Variants in USP6NL observed in about 807,000 individuals in gnomAD.
USP6NL encodes the protein USP6 N-terminal-like protein.
A neutral mutation model predicts 61.9 loss-of-function variants in USP6NL; 26 were observed. That is an observed-to-expected ratio of 0.42 (90% confidence interval 0.31 to 0.58). USP6NL has a LOEUF of 0.58. Ranked by LOEUF, USP6NL falls within the 20% of genes least tolerant of loss-of-function variation. The probability of loss-of-function intolerance (pLI) is 0.16; values close to 1 mark genes in which losing one functional copy is unlikely to be tolerated. For missense variants in USP6NL, 1,114 were observed against 1,034.3 expected (o/e 1.08, Z -1.06); for synonymous variants, 432 against 390.1 (o/e 1.11, Z -1.27).
At chr10:11,551,343 G>A (rs1836480738) in intron 2 of USP6NL, among the ~76,000 whole-genome samples, 1 of 152,206 alleles carries the variant, frequency 6.6e-6, no homozygotes, top group African/African-American at 2.4e-5. Flanking sequence ...AAACACAAAA[G>A]ACCTCATACT....
At position 11,487,189 on chromosome 10, in the gene USP6NL, C is replaced by G. The variant is rs1833506378; in HGVS notation, c.665-1278G>C. On this transcript the variant is annotated intron_variant, in intron 10 of 14. Coordinates refer to ENST00000609104, the MANE Select transcript of USP6NL (RefSeq NM_014688.5). The surrounding 1 kb of genome is among the most constrained non-coding windows in gnomAD (Gnocchi z 4.2). ...TAACTAGCTCAAGAATGCTAAGAAGCCTAACAGTTCTTCATTTTCCACTGA... is the reference window on the plus strand; with the variant it reads ...TAACTAGCTCAAGAATGCTAAGAAGGCTAACAGTTCTTCATTTTCCACTGA... Among the ~76,000 whole-genome samples, 3 of 152,090 alleles carry G rather than the reference C, an allele frequency of 2.0e-5. No homozygotes were observed. The highest frequency in any genetic ancestry group is 6.5e-5 in the Admixed American group (1 of 15,270).
At chr10:11,555,109 G>GTT (rs1187617728) in intron 2 of USP6NL, among the ~76,000 whole-genome samples, 47 of 85,574 alleles carry the variant, frequency 5.5e-4, no homozygotes, top group East Asian at 2.6e-3. Flanking sequence ...TTTTTTTTTG[G>GTT]TTTTTTTTTT....
Position 11,496,923 on chromosome 10 carries a change from C to A in USP6NL, c.385-3695G>T, listed in dbSNP as rs375850806. Among the ~76,000 whole-genome samples the A allele has an allele frequency of 9.9e-5, 15 of 151,916 alleles. No individual in the cohort carries two copies. The highest frequency in any genetic ancestry group is 3.6e-4 in the African/African-American group (15 of 41,328). On this transcript the variant is annotated intron_variant, in intron 7 of 14. Coordinates refer to ENST00000609104, the MANE Select transcript of USP6NL (RefSeq NM_014688.5). This position sits in a 1 kb window ranked among gnomAD's most constrained non-coding sequence, Gnocchi z 5.4. ...CAGCTTTTTAAAACAGGAAGAACAG[C>A]CACAGTATGTTTCAGAATTCTCAAG...
Position 11,462,367 on chromosome 10 carries a change from T to C in USP6NL, c.*74A>G. 6.7e-7 allele frequency: 1 copy of C among 1,497,844 alleles called. No individual in the cohort carries two copies. The highest frequency in any genetic ancestry group is 9.0e-7 in the Non-Finnish European group (1 of 1,115,476). The allele number at this position is 1,497,844 out of a possible 1,614,324, so 92.8% of individuals were successfully genotyped here. ...TTGTTTACAATAGTATAAATACTGCTTTGGCAATTATGAACATAGCAATGT... is the reference window on the plus strand; with the variant it reads ...TTGTTTACAATAGTATAAATACTGCCTTGGCAATTATGAACATAGCAATGT... On this transcript the variant is annotated 3_prime_UTR_variant, in exon 15 of 15. Transcript: ENST00000609104.
At position 11,463,231 on chromosome 10, in the gene USP6NL, T is replaced by G. The variant is rs1027186801; in HGVS notation, c.1697A>C (p.Glu566Ala). 1 of 1,613,392 alleles carries G rather than the reference T, an allele frequency of 6.2e-7. No individual in the cohort carries two copies. The highest frequency in any genetic ancestry group is 8.5e-7 in the Non-Finnish European group (1 of 1,179,882). Reference sequence around the variant, plus strand: ...GGAGTAAGCCCTTTCCAGCGCCTCCTCCACGGAAGCGCCGCTGTCCAGCTC... The same window carrying G: ...GGAGTAAGCCCTTTCCAGCGCCTCCGCCACGGAAGCGCCGCTGTCCAGCTC... ...GPELDSGASVEEALERAYSQS... is the reference protein window; with the variant it reads ...GPELDSGASVAEALERAYSQS... The change falls in exon 15 of 15, where the codon GAG (glutamate) becomes GCG (alanine). Residue 566 changes from glutamate (E) to alanine (A), a missense_variant. Glu to Ala is a moderately radical substitution (Grantham distance 107, BLOSUM62 -1). Transcript: ENST00000609104. The surrounding 1 kb of genome is among the most constrained non-coding windows in gnomAD (Gnocchi z 6.3).
rs1341698698 is a variant in USP6NL at position 11,496,946 on chromosome 10, A to C, written c.385-3718T>G. 6.6e-6 allele frequency among the ~76,000 whole-genome samples: 1 copy of C among 152,148 alleles called. No homozygotes were observed. Among genetic ancestry groups the C allele is most frequent in the Non-Finnish European group, 1.5e-5 (1 of 68,032 alleles). Reference sequence around the variant, plus strand: ...AGCCACAGTATGTTTCAGAATTCTCAAGACAGAGGAAGACATTTAGAGTAT... The same window carrying C: ...AGCCACAGTATGTTTCAGAATTCTCCAGACAGAGGAAGACATTTAGAGTAT... On this transcript the variant is annotated intron_variant, in intron 7 of 14. Coordinates refer to ENST00000609104, the MANE Select transcript of USP6NL (RefSeq NM_014688.5). The surrounding 1 kb of genome is among the most constrained non-coding windows in gnomAD (Gnocchi z 5.4).
rs527813373 is a variant in USP6NL at position 11,553,958 on chromosome 10, T to C, written c.5-26391A>G. ...TGTCTCTCCTGATGTCTAAGAAATC[T>C]AGATATAAGTCATCCAGGTCTGATA... On this transcript the variant is annotated intron_variant, in intron 2 of 14. Transcript: ENST00000609104. The surrounding 1 kb of genome is among the most constrained non-coding windows in gnomAD (Gnocchi z 4.8). 6.6e-6 allele frequency among the ~76,000 whole-genome samples: 1 copy of C among 151,996 alleles called. No individual in the cohort carries two copies. Among genetic ancestry groups the C allele is most frequent in the East Asian group, 1.9e-4 (1 of 5,170 alleles).
chr10:11,601,993 GA>G (rs1027057686), intron 1 of USP6NL, among the ~76,000 whole-genome samples: 185 of 148,256 alleles, frequency 1.2e-3, no homozygotes, highest in African/African-American at 4.3e-3. Context: ...AAAAAAGAAA[GA>G]AAAAAAAAGA....
intron 2 of USP6NL, among the ~76,000 whole-genome samples, chr10:11,554,014 C>T (rs1836591215): frequency 6.6e-6 from 1 of 152,174 alleles, no homozygotes; most frequent in Non-Finnish European, 1.5e-5. Flanking sequence ...AAGATCCAGG[C>T]TCCTTCCATC....
At position 11,591,059 on chromosome 10, in the gene USP6NL, G is replaced by T. The variant is rs989950899; in HGVS notation, c.4+6572C>A. Among the ~76,000 whole-genome samples, 3 of 152,140 alleles carry T rather than the reference G, an allele frequency of 2.0e-5. No individual in the cohort carries two copies. Among genetic ancestry groups the T allele is most frequent in the South Asian group, 2.1e-4 (1 of 4,824 alleles). On this transcript the variant is annotated intron_variant, in intron 2 of 14. Transcript: ENST00000609104. This position sits in a 1 kb window ranked among gnomAD's most constrained non-coding sequence, Gnocchi z 4.7. ...TGATCTATCTAGTGCCTACATTTAC[G>T]AATGAGTAAAGGATGTGTGGGGAGG...
chr10:11,560,714 T>TTATATATATA (rs56221814), intron 2 of USP6NL, among the ~76,000 whole-genome samples: 92 of 141,304 alleles, frequency 6.5e-4, no homozygotes, highest in East Asian at 1.6e-3. Context: ...TATATATATA[T>TTATATATATA]TATATATATA....
In USP6NL at chr10:11,555,471, A is replaced by AAGAG. The variant is rs1190819331; in HGVS notation, c.5-27908_5-27905dup. The stretch of plus-strand genomic sequence containing the variant: ...ATATATAGAGAGAGAGAGAGAGAGA[A>AAGAG]AGAGAGAGAGAGAGAGAGAGAGAAG... On this transcript the variant is annotated intron_variant, in intron 2 of 14. Coordinates refer to ENST00000609104, the MANE Select transcript of USP6NL (RefSeq NM_014688.5). Among the ~76,000 whole-genome samples, 158 of 62,168 alleles carry AAGAG rather than the reference A, an allele frequency of 2.5e-3. 2 individuals carry two copies. The highest frequency in any genetic ancestry group is 9.3e-3 in the African/African-American group (130 of 14,030). 40.8% of individuals were successfully genotyped at this position (62,168 alleles called of 152,430 possible).
chr10:11,466,036 C>A (rs150683714), intron 14 of USP6NL, among the ~76,000 whole-genome samples: 13 of 152,286 alleles, frequency 8.5e-5, no homozygotes, highest in African/African-American at 2.9e-4. Context: ...AAGGTAGACA[C>A]AGGCAGTAAC....
intron 4 of USP6NL, among the ~76,000 whole-genome samples, chr10:11,521,716 G>A (rs1031892083): frequency 6.0e-5 from 9 of 150,570 alleles, no homozygotes; most frequent in African/African-American, 2.2e-4. Flanking sequence ...CCTTTATTCT[G>A]CATATCATAT....
Position 11,481,695 on chromosome 10 carries a change from A to G in USP6NL, c.1078+75T>C. On this transcript the variant is annotated intron_variant, in intron 14 of 14. Coordinates refer to ENST00000609104, the MANE Select transcript of USP6NL (RefSeq NM_014688.5). This position sits in a 1 kb window ranked among gnomAD's most constrained non-coding sequence, Gnocchi z 4.4. ...ATAATGCTTACGCTGTGGGCAAGAA[A>G]CAGCCCATGTTAATTATGCCATGTC... The G allele has an allele frequency of 6.9e-7, 1 of 1,453,322 alleles. No individual in the cohort carries two copies. Among genetic ancestry groups the G allele is most frequent in the Non-Finnish European group, 9.2e-7 (1 of 1,087,852 alleles). The allele number at this position is 1,453,322 out of a possible 1,614,324, so 90.0% of individuals were successfully genotyped here.
intron 2 of USP6NL, among the ~76,000 whole-genome samples, chr10:11,535,654 T>C (rs1047767743): frequency 6.6e-6 from 1 of 152,210 alleles, no homozygotes; most frequent in Non-Finnish European, 1.5e-5. Flanking sequence ...ATTTCTAGTA[T>C]AACGAATTCA....
chr10:11,493,213 C>A lies in USP6NL; in HGVS notation c.400G>T (p.Ala134Ser). ...CTGATGTCAGGTGAACAGCCCCGTG[C>A]TCTGTGTTTTAATTTCTGAAGAGAG... Reference protein sequence around the residue: ...RDLYSKLKHRARGCSPDIRQI... With the variant: ...RDLYSKLKHRSRGCSPDIRQI... The change falls in exon 8 of 15, where the codon GCA becomes TCA. Residue 134 changes from alanine to serine, a missense_variant. Transcript: ENST00000609104. The A allele has an allele frequency of 6.2e-7, 1 of 1,609,768 alleles. No individual in the cohort carries two copies. The highest frequency in any genetic ancestry group is 1.3e-5 in the African/African-American group (1 of 74,964).
chr10:11,543,807 T>G (rs867342277), intron 2 of USP6NL, among the ~76,000 whole-genome samples: 2 of 118,262 alleles, frequency 1.7e-5, no homozygotes, highest in Middle Eastern at 3.9e-3. Context: ...ATTTAGGTTT[T>G]TTTTTTTTTT....
intron 2 of USP6NL, among the ~76,000 whole-genome samples, chr10:11,582,778 T>C (rs1263071154): frequency 1.3e-5 from 2 of 152,030 alleles, no homozygotes; most frequent in African/African-American, 2.4e-5. Context: ...GTGGACACTA[T>C]CATAAACACA....
Sources: allele counts gnomAD v4.1 joint callset (sites outside exome capture counted in the v4.1 genomes callset), GRCh38; gene constraint gnomAD v4.1.1; non-coding constraint Gnocchi (gnomAD v3.1); transcripts MANE v1.5; gene names NCBI Gene and HGNC (gene_info 2026-07-23, HGNC 2026-07-21).